Variants in RAB44 observed in about 807,000 individuals in gnomAD.
The protein encoded by RAB44 is ras-related protein Rab-44.
A neutral mutation model predicts 93.3 loss-of-function variants in RAB44; 67 were observed. That is an observed-to-expected ratio of 0.72 (90% CI 0.59 to 0.88). The LOEUF is 0.88. Among genes scored for constraint, RAB44 ranks in the 40% least tolerant of loss-of-function variants. The probability of loss-of-function intolerance (pLI) is 0.00; values close to 1 mark genes in which losing one functional copy is unlikely to be tolerated. For missense variants in RAB44, 1,064 were observed against 1,261.7 expected, an observed-to-expected ratio of 0.84 and a Z score of 2.37; for synonymous variants, 427 against 520.3, an observed-to-expected ratio of 0.82 and a Z score of 2.44.
chr6:36,721,815 G>A lies in RAB44; in HGVS notation c.1681G>A (p.Glu561Lys), dbSNP rs1763091957. ...EPTQTPPTMTERETQPGPSPT... is the reference protein window; with the variant it reads ...EPTQTPPTMTKRETQPGPSPT... ...CACACAAACCCCTCCCACCATGACT[G>A]AGCGGGAAACCCAGCCCGGACCCTC... The change falls in exon 9 of 14, where the codon GAG becomes AAG. Residue 561 changes from glutamate to lysine, a missense_variant. Physicochemically the swap from Glu to Lys is moderately conservative, Grantham distance 56. Transcript: ENST00000612677. 2 of 1,234,628 alleles carry A rather than the reference G, an allele frequency of 1.6e-6. No homozygotes were observed. Among genetic ancestry groups the A allele is most frequent in the Non-Finnish European group, 2.0e-6 (2 of 988,520 alleles). 76.5% of individuals were successfully genotyped at this position (1,234,628 alleles called of 1,614,324 possible).
rs1244106837 is a variant in RAB44 at position 36,730,661 on chromosome 6, T to A, written c.2899-12T>A. 8.1e-7 allele frequency: 1 copy of A among 1,233,580 alleles called. No homozygotes were observed. The highest frequency in any genetic ancestry group is 4.2e-5 in the Admixed American group (1 of 23,702). The allele number at this position is 1,233,580 out of a possible 1,614,324, so 76.4% of individuals were successfully genotyped here. A position where few individuals can be genotyped will look rare whatever the true frequency, so the allele number is the denominator to read the frequency against. ...CCCAAGGCACATATGTCCCTCCCTGTCTGGCCTGCAGGAACTGGGGGTCTA... is the reference window on the plus strand; with the variant it reads ...CCCAAGGCACATATGTCCCTCCCTGACTGGCCTGCAGGAACTGGGGGTCTA... On this transcript the variant is annotated splice_polypyrimidine_tract_variant and intron_variant, in intron 12 of 13. Coordinates refer to ENST00000612677, the MANE Select transcript of RAB44 (RefSeq NM_001257357.2).
intron 2 of RAB44, among the ~76,000 whole-genome samples, chr6:36,709,741 G>C (rs950605352): frequency 6.6e-6 from 1 of 152,068 alleles, no homozygotes; most frequent in East Asian, 1.9e-4. Flanking sequence ...GTTTTTAGTA[G>C]AGACAGGGTT....
At chr6:36,730,226 G>C (rs1053287559) in intron 12 of RAB44, among the ~76,000 whole-genome samples, 2 of 152,132 alleles carry the variant, frequency 1.3e-5, no homozygotes, top group African/African-American at 2.4e-5. Context: ...CCCCGTAAAA[G>C]GGTTATATAA....
chr6:36,707,359 CAAA>C (rs71540164), intron 2 of RAB44, among the ~76,000 whole-genome samples: 1 of 119,530 alleles, frequency 8.4e-6, no homozygotes, highest in Non-Finnish European at 1.8e-5. Flanking sequence ...GGCTCTGTCT[CAAA>C]AAAAAAAAAA....
At chr6:36,718,234 T>C in intron 6 of RAB44, 116 bp downstream of exon 6, 1 of 633,642 alleles carries the variant, frequency 1.6e-6, no homozygotes, top group Non-Finnish European at 2.3e-6. Context: ...TAGTGAATCC[T>C]CTCCCTGCCC....
chr6:36,721,155 C>T lies in RAB44; in HGVS notation c.1021C>T (p.Pro341Ser), dbSNP rs1562062699. 1.6e-6 allele frequency: 2 copies of T among 1,229,048 alleles called. No individual in the cohort carries two copies. Among genetic ancestry groups the T allele is most frequent in the East Asian group, 3.2e-5 (1 of 31,650 alleles). 76.1% of individuals were successfully genotyped at this position (1,229,048 alleles called of 1,614,324 possible). A position where few individuals can be genotyped will look rare whatever the true frequency, so the allele number is the denominator to read the frequency against. Residue 341 changes from proline to serine, a missense_variant, in exon 9 of 14, where the codon CCT (proline) becomes TCT (serine). Transcript: ENST00000612677. Reference sequence around the variant, plus strand: ...GCTTCCCTGCTTCATTTCCAGTTTTCCTGGAGCGGGTGAGAAGACCCCAGA... The same window carrying T: ...GCTTCCCTGCTTCATTTCCAGTTTTTCTGGAGCGGGTGAGAAGACCCCAGA... ...SWQVEEKLSFPGAGEKTPDPQ... is the reference protein window; with the variant it reads ...SWQVEEKLSFSGAGEKTPDPQ...
In RAB44 at chr6:36,717,257, G is replaced by C. The variant is rs1474843074; in HGVS notation, c.495-16G>C. On this transcript the variant is annotated splice_polypyrimidine_tract_variant and intron_variant, in intron 4 of 13. Coordinates refer to ENST00000612677, the MANE Select transcript of RAB44 (RefSeq NM_001257357.2). The surrounding 1 kb of genome is among the most constrained non-coding windows in gnomAD (Gnocchi z 4.1). ...GTGTCTGACCCTCCCATCTCTGGCT[G>C]TCTTCCCCTCCCCAGGCAGATGGAA... 1 of 1,232,042 alleles carries C rather than the reference G, an allele frequency of 8.1e-7. No individual in the cohort carries two copies. Among genetic ancestry groups the C allele is most frequent in the African/African-American group, 1.6e-5 (1 of 64,402 alleles). 76.3% of individuals were successfully genotyped at this position (1,232,042 alleles called of 1,614,324 possible).
intron 3 of RAB44, 77 bp downstream of exon 3, chr6:36,714,016 G>A (rs1037955051): frequency 3.3e-5 from 30 of 919,732 alleles, no homozygotes; most frequent in Non-Finnish European, 4.2e-5. Flanking sequence ...AGGCTGGGTC[G>A]TTAGAAAGGC....
At chr6:36,710,205 C>A (rs9470377) in intron 2 of RAB44, among the ~76,000 whole-genome samples, 1 of 152,098 alleles carries the variant, frequency 6.6e-6, no homozygotes, top group South Asian at 2.1e-4. Flanking sequence ...AACTCCCATA[C>A]TTCCCTCTCC....
At chr6:36,716,523 T>G (rs1463663120) in intron 4 of RAB44, among the ~76,000 whole-genome samples, 4 of 149,326 alleles carry the variant, frequency 2.7e-5, no homozygotes, top group African/African-American at 4.9e-5. Context: ...CCTGCTAACG[T>G]CCCCTCCTAG....
intron 1 of RAB44, among the ~76,000 whole-genome samples, chr6:36,702,649 C>T (rs572331119): frequency 6.4e-4 from 97 of 152,340 alleles, no homozygotes; most frequent in African/African-American, 1.9e-3. Context: ...ATGCCTCCTG[C>T]AGAACCTGCA....
rs1437770791 is a variant in RAB44, at chr6:36,731,886, CA to C, written c.2976-116del. 2.0e-6 allele frequency: 1 copy of C among 492,294 alleles called. No homozygotes were observed. Among genetic ancestry groups the C allele is most frequent in the East Asian group, 3.5e-5 (1 of 28,236 alleles). 30.5% of individuals were successfully genotyped at this position (492,294 alleles called of 1,614,324 possible). A position where few individuals can be genotyped will look rare whatever the true frequency, so the allele number is the denominator to read the frequency against. On this transcript the variant is annotated intron_variant, in intron 13 of 13. Coordinates refer to ENST00000612677, the MANE Select transcript of RAB44 (RefSeq NM_001257357.2). The surrounding 1 kb of genome is among the most constrained non-coding windows in gnomAD (Gnocchi z 4.0). ...TCTCATGTGGAATGCAGGGCAGGGG[CA>C]GAGCTGTTGTGGGGGTTGTGGGTGC...
In RAB44 at chr6:36,717,259, C is replaced by T; in HGVS notation, c.495-14C>T. On this transcript the variant is annotated splice_polypyrimidine_tract_variant and intron_variant, in intron 4 of 13. Coordinates refer to ENST00000612677, the MANE Select transcript of RAB44 (RefSeq NM_001257357.2). The surrounding 1 kb of genome is among the most constrained non-coding windows in gnomAD (Gnocchi z 4.1). ...GTCTGACCCTCCCATCTCTGGCTGTCTTCCCCTCCCCAGGCAGATGGAAAT... is the reference window on the plus strand; with the variant it reads ...GTCTGACCCTCCCATCTCTGGCTGTTTTCCCCTCCCCAGGCAGATGGAAAT... 1.6e-6 allele frequency: 2 copies of T among 1,232,164 alleles called. No homozygotes were observed. The highest frequency in any genetic ancestry group is 2.0e-6 in the Non-Finnish European group (2 of 987,982). The allele number at this position is 1,232,164 out of a possible 1,614,324, so 76.3% of individuals were successfully genotyped here.
Position 36,725,949 on chromosome 6 carries a change from A to T in RAB44, c.2681+6A>T. The T allele has an allele frequency of 6.5e-7, 1 of 1,549,328 alleles. No homozygotes were observed. Among genetic ancestry groups the T allele is most frequent in the Non-Finnish European group, 8.7e-7 (1 of 1,145,716 alleles). On this transcript the variant is annotated splice_donor_region_variant and intron_variant, in intron 10 of 13. Coordinates refer to ENST00000612677, the MANE Select transcript of RAB44 (RefSeq NM_001257357.2). The stretch of plus-strand genomic sequence containing the variant: ...GACACAGCTGGCCAAGAGAGGTAAC[A>T]GGCACTGTATATCAGTGTGTCAGGA...
At chr6:36,724,939 A>G (rs140591784) in intron 9 of RAB44, among the ~76,000 whole-genome samples, 1 of 152,334 alleles carries the variant, frequency 6.6e-6, no homozygotes, top group East Asian at 1.9e-4. Context: ...CCTGCATTTG[A>G]GGACGGGACC....
intron 4 of RAB44, among the ~76,000 whole-genome samples, chr6:36,716,469 CAAA>C (rs567193522): frequency 3.7e-4 from 28 of 76,256 alleles, no homozygotes; most frequent in African/African-American, 9.7e-4. Flanking sequence ...GACTCTGTCT[CAAA>C]AAAAAAAAAA....
intron 2 of RAB44, among the ~76,000 whole-genome samples, chr6:36,704,651 T>C (rs1162968567): frequency 6.6e-6 from 1 of 152,246 alleles, no homozygotes; most frequent in Non-Finnish European, 1.5e-5. Context: ...ATTTGTCATT[T>C]AACCAGCGAA....
chr6:36,702,293 G>GGAGAGAGAGAGAGAGA (rs567475229), intron 1 of RAB44, among the ~76,000 whole-genome samples: 4 of 115,140 alleles, frequency 3.5e-5, no homozygotes, highest in African/African-American at 1.4e-4. Flanking sequence ...CTTCGAAGGG[G>GGAGAGAGAGAGAGAGA]GAGAGAGAGA....
chr6:36,730,576 T>G lies in RAB44; in HGVS notation c.2899-97T>G, dbSNP rs60980800. The G allele has an allele frequency of 2.8e-3, 1,964 of 703,166 alleles. 22 individuals are homozygous for G. The African/African-American group carries it at 0.032, about 11-fold the overall frequency. 43.6% of individuals were successfully genotyped at this position (703,166 alleles called of 1,614,324 possible). On this transcript the variant is annotated intron_variant, in intron 12 of 13. Transcript: ENST00000612677. ...CACTGAGGTCAGCTTAGGGATGCAT[T>G]GGGACTCTGATGGCCGGGACTTTAG...
Sources: gnomAD v4.1 joint callset for allele counts (sites outside exome capture counted in the v4.1 genomes callset) on GRCh38, gnomAD v4.1.1 for gene constraint, Gnocchi (gnomAD v3.1) non-coding constraint, MANE v1.5 for transcripts, NCBI Gene and HGNC (gene_info 2026-07-23, HGNC 2026-07-21) for gene names.